Variants in APPL1 observed in about 807,000 individuals in gnomAD.
APPL1 encodes the protein adaptor protein, phosphotyrosine interacting with PH domain and leucine zipper 1, also known as DCC-interacting protein 13-alpha.
Under a neutral mutation model 106.8 loss-of-function variants are expected in APPL1, and 42 were observed. That is an observed-to-expected ratio of 0.39 (90% CI 0.31 to 0.51). The LOEUF (loss-of-function observed/expected upper bound fraction) is 0.51. Ranked by LOEUF, APPL1 falls within the 20% of genes least tolerant of loss-of-function variation. The pLI is 0.75. For synonymous variants in APPL1, 263 were observed against 281.8 expected, an observed-to-expected ratio of 0.93 and a Z score of 0.67; for missense variants, 769 against 858.2, an observed-to-expected ratio of 0.90 and a Z score of 1.30.
At chr3:57,266,704 G>T (rs925255265) in intron 19 of APPL1, among the ~76,000 whole-genome samples, 1 of 151,972 alleles carries the variant, frequency 6.6e-6, no homozygotes, top group Non-Finnish European at 1.5e-5. Flanking sequence ...ATAATTTCTT[G>T]TAGTATTTTT....
chr3:57,247,993 A>G (rs2060783930), intron 9 of APPL1, among the ~76,000 whole-genome samples, 200 bp from the exon 10 acceptor site: 1 of 152,134 alleles, frequency 6.6e-6, no homozygotes, highest in South Asian at 2.1e-4. Context: ...TTGTTTTTTG[A>G]ATTTAGTATT....
intron 9 of APPL1, 70 bp downstream of exon 9, chr3:57,247,547 A>C: frequency 1.0e-6 from 1 of 990,028 alleles, no homozygotes; most frequent in Non-Finnish European, 1.5e-6. Context: ...ACATAATGTA[A>C]AGATATTTAT....
rs2060943221 is a variant in APPL1, at chr3:57,271,908, T to C, written c.*2221T>C. On this transcript the variant is annotated 3_prime_UTR_variant, in exon 22 of 22. Coordinates refer to ENST00000288266, the MANE Select transcript of APPL1 (RefSeq NM_012096.3). ...CTTTTGTTCCATTACTGTTGAACTATATGAACTATTCCATTACTGCAGAGA... is the reference window on the plus strand; with the variant it reads ...CTTTTGTTCCATTACTGTTGAACTACATGAACTATTCCATTACTGCAGAGA... 6.6e-6 allele frequency: 1 copy of C among 152,264 alleles called. No homozygotes were observed. Among genetic ancestry groups the C allele is most frequent in the South Asian group, 2.1e-4 (1 of 4,836 alleles). 9.4% of individuals were successfully genotyped at this position (152,264 alleles called of 1,614,324 possible). A position where few individuals can be genotyped will look rare whatever the true frequency, so the allele number is the denominator to read the frequency against.
chr3:57,233,512 A>G (rs1291225146), intron 1 of APPL1, among the ~76,000 whole-genome samples: 1 of 151,692 alleles, frequency 6.6e-6, no homozygotes, highest in Non-Finnish European at 1.5e-5. Flanking sequence ...AACAGAAACG[A>G]AGCGGCAGAT....
chr3:57,263,118 T>C (rs748996095), intron 19 of APPL1, among the ~76,000 whole-genome samples: 14 of 152,156 alleles, frequency 9.2e-5, no homozygotes, highest in South Asian at 2.1e-4. Context: ...CCCAAAGTGC[T>C]GGGATTACAG....
intron 4 of APPL1, among the ~76,000 whole-genome samples, chr3:57,240,195 A>G (rs2060738174): frequency 6.9e-6 from 1 of 144,658 alleles, no homozygotes; most frequent in Non-Finnish European, 1.5e-5. Flanking sequence ...AATTTTGATG[A>G]TGTCCATTAT....
At chr3:57,237,607 A>C in intron 3 of APPL1, 56 bp downstream of exon 3, 1 of 1,244,322 alleles carries the variant, frequency 8.0e-7, no homozygotes, top group Non-Finnish European at 1.1e-6. Flanking sequence ...ATCTGTATAG[A>C]TAGACTTTCA....
At chr3:57,268,671 A>C (rs563520492) in intron 21 of APPL1, 184 bp downstream of exon 21, 1 of 481,148 alleles carries the variant, frequency 2.1e-6, no homozygotes, top group Non-Finnish European at 3.3e-6. Context: ...TGTTTACATT[A>C]TAGTTACGTT....
At chr3:57,262,846 G>GTA (rs1162660345) in intron 19 of APPL1, among the ~76,000 whole-genome samples, 30 of 81,900 alleles carry the variant, frequency 3.7e-4, no homozygotes, top group Middle Eastern at 6.8e-3. Context: ...GTGTGTGTGT[G>GTA]TATGCATTTT....
intron 16 of APPL1, among the ~76,000 whole-genome samples, chr3:57,259,586 A>G (rs1470223750): frequency 6.6e-6 from 1 of 152,044 alleles, no homozygotes; most frequent in Non-Finnish European, 1.5e-5. Flanking sequence ...GTGAACCACC[A>G]CGCCTGGCCT....
chr3:57,242,729 T>G (rs182369669), intron 6 of APPL1, 127 bp from the exon 7 acceptor site: 1 of 667,912 alleles, frequency 1.5e-6, no homozygotes, highest in Non-Finnish European at 2.6e-6. Context: ...TTGAGTGCAG[T>G]GGTCATGTGG....
At chr3:57,247,864 C>T (rs796519761) in intron 9 of APPL1, among the ~76,000 whole-genome samples, 2 of 152,110 alleles carry the variant, frequency 1.3e-5, no homozygotes, top group African/African-American at 4.8e-5. Flanking sequence ...TTCAAAATGC[C>T]GAGCAGTGTA....
At chr3:57,268,245 A>C in intron 20 of APPL1, 153 bp from the exon 21 acceptor site, 1 of 739,490 alleles carries the variant, frequency 1.4e-6, no homozygotes, top group Non-Finnish European at 2.1e-6. Context: ...GAATTTGGAT[A>C]ATTGTTTACC....
intron 4 of APPL1, among the ~76,000 whole-genome samples, chr3:57,240,022 T>C (rs2060736754): frequency 6.6e-6 from 1 of 152,118 alleles, no homozygotes; most frequent in South Asian, 2.1e-4. Flanking sequence ...ATAGATCCTT[T>C]GCCCGTTTTT....
In APPL1 at chr3:57,247,392, C is replaced by T. The variant is rs1213768750; in HGVS notation, c.622-3C>T. On this transcript the variant is annotated splice_polypyrimidine_tract_variant and splice_region_variant and intron_variant, in intron 8 of 21. Transcript: ENST00000288266. Reference sequence around the variant, plus strand: ...TCAATTCCCCCCACTCCCCACTCTCCAGATAAGTTTCTTTAAGATGGGTTC... The same window carrying T: ...TCAATTCCCCCCACTCCCCACTCTCTAGATAAGTTTCTTTAAGATGGGTTC... 1 of 1,589,840 alleles carries T rather than the reference C, an allele frequency of 6.3e-7. No homozygotes were observed. Among genetic ancestry groups the T allele is most frequent in the African/African-American group, 1.3e-5 (1 of 74,254 alleles).
chr3:57,256,972 G>A lies in APPL1; in HGVS notation c.1168G>A (p.Val390Ile), dbSNP rs755284295. 5 of 1,614,048 alleles carry A rather than the reference G, an allele frequency of 3.1e-6. No homozygotes were observed. Among genetic ancestry groups the A allele is most frequent in the Non-Finnish European group, 4.2e-6 (5 of 1,179,970 alleles). The change falls in exon 14 of 22, where the codon GTA becomes ATA. Residue 390 changes from valine to isoleucine, a missense_variant. Transcript: ENST00000288266. ...ATTGAAATAGGAAACTGCTGCACGAGTAAATCAATCAGCTCTGGAAGCTGT... is the reference window on the plus strand; with the variant it reads ...ATTGAAATAGGAAACTGCTGCACGAATAAATCAATCAGCTCTGGAAGCTGT... ...SENPEETAAR[V>I]NQSALEAVTP... is the part of the protein sequence containing the mutation.
Position 57,247,494 on chromosome 3 carries a change from T to A in APPL1, c.704+17T>A, listed in dbSNP as rs760790571. On this transcript the variant is annotated intron_variant, in intron 9 of 21. Transcript: ENST00000288266. Reference sequence around the variant, plus strand: ...CGTTCAGAAGTAAGTATTTTTTTCCTTAAAATTGAAAATGAAATGATGTGA... The same window carrying A: ...CGTTCAGAAGTAAGTATTTTTTTCCATAAAATTGAAAATGAAATGATGTGA... 3 of 1,496,822 alleles carry A rather than the reference T, an allele frequency of 2.0e-6. No homozygotes were observed. Among genetic ancestry groups the A allele is most frequent in the Middle Eastern group, 1.7e-4 (1 of 5,824 alleles). The allele number at this position is 1,496,822 out of a possible 1,614,324, so 92.7% of individuals were successfully genotyped here.
intron 1 of APPL1, among the ~76,000 whole-genome samples, chr3:57,235,286 G>A (rs2060710486): frequency 6.6e-6 from 1 of 151,826 alleles, no homozygotes; most frequent in Non-Finnish European, 1.5e-5. Context: ...CTGTTGATTT[G>A]TTCTTAGTTT....
rs568464829 is a variant in APPL1 at position 57,270,961 on chromosome 3, G to A, written c.*1274G>A. 157 of 151,946 alleles carry A rather than the reference G, an allele frequency of 1.0e-3. 1 individual carries two copies. The highest frequency in any genetic ancestry group is 3.7e-3 in the African/African-American group (153 of 41,440). The allele number at this position is 151,946 out of a possible 1,614,324, so 9.4% of individuals were successfully genotyped here. ...TATGTTAAACCTTAATTTTTTTTCT[G>A]TAATCACTTTTAACACTGCTAATAG... On this transcript the variant is annotated 3_prime_UTR_variant, in exon 22 of 22. Coordinates refer to ENST00000288266, the MANE Select transcript of APPL1 (RefSeq NM_012096.3).
Sources: allele counts gnomAD v4.1 joint callset (sites outside exome capture counted in the v4.1 genomes callset), GRCh38; gene constraint gnomAD v4.1.1; transcripts MANE v1.5; gene names NCBI Gene and HGNC (gene_info 2026-07-23, HGNC 2026-07-21).